The following ZNF30 variants were observed in gnomAD, a reference collection of about 807,000 sequenced individuals.
ZNF30 encodes the protein zinc finger protein 30 (KOX 28).
ZNF30 carries 15 observed loss-of-function variants against 13.2 expected under a neutral mutation model. That is an observed-to-expected ratio of 1.13 (90% CI 0.76 to 1.75). The LOEUF is 1.75. ZNF30 is among the 40% of genes most tolerant of loss of function. ZNF30 has a pLI of 0.00. For synonymous variants in ZNF30, 223 were observed against 256.6 expected (o/e 0.87, Z 1.25); for missense variants, 726 against 757.0 (o/e 0.96, Z 0.48).
chr19:34,941,013 T>C (rs979072740), intron 4 of ZNF30, among the ~76,000 whole-genome samples: 2 of 152,266 alleles, frequency 1.3e-5, no homozygotes, highest in African/African-American at 4.8e-5. Flanking sequence ...AGTACAACAT[T>C]CTTCTCATAA....
upstream of ZNF30, among the ~76,000 whole-genome samples, chr19:34,925,669 G>A (rs2012043902): frequency 6.6e-6 from 1 of 152,136 alleles, no homozygotes. Flanking sequence ...AAACAAAAAT[G>A]CCTGCCCTCA....
upstream of ZNF30, among the ~76,000 whole-genome samples, chr19:34,924,217 A>C (rs2151658452): frequency 6.6e-6 from 1 of 152,252 alleles, no homozygotes; most frequent in Non-Finnish European, 1.5e-5. Flanking sequence ...TCATCTATGG[A>C]GTGATCACTT....
upstream of ZNF30, among the ~76,000 whole-genome samples, chr19:34,925,280 G>A (rs1022468385): frequency 1.3e-5 from 2 of 152,222 alleles, no homozygotes; most frequent in African/African-American, 4.8e-5. Context: ...TTCATATCCC[G>A]GGGTTCCTGT....
chr19:34,933,029 C>T lies in ZNF30; in HGVS notation c.161-599C>T, dbSNP rs189439776. On this transcript the variant is annotated intron_variant, in intron 3 of 4. Transcript: ENST00000601142. The stretch of plus-strand genomic sequence containing the variant: ...CTCCTGACCTCAAGTAATCTGCCCA[C>T]CTGGCCTCCAAAAGTGCTGGGATTA... 1.6e-4 allele frequency among the ~76,000 whole-genome samples: 24 copies of T among 152,062 alleles called. No individual in the cohort carries two copies. The East Asian group carries it at 4.3e-3, about 27-fold the overall frequency.
chr19:34,944,827 G>A lies in ZNF30; in HGVS notation c.1861G>A (p.Val621Ile), dbSNP rs35783907. 136 of 1,595,072 alleles carry A rather than the reference G, an allele frequency of 8.5e-5. No individual in the cohort carries two copies. The highest frequency in any genetic ancestry group is 1.1e-4 in the Non-Finnish European group (130 of 1,167,702). ...LKVHLRKHMSVIP is the reference protein window; with the variant it reads ...LKVHLRKHMSIIP ...AGTGCATCTGAGAAAACATATGAGT[G>A]TTATACCCTAAGAGTCTGAGGAGTG... is the stretch of plus-strand genomic sequence containing the variant. The change falls in exon 5 of 5, where the codon GTT becomes ATT. Residue 621 changes from valine (V) to isoleucine (I), a missense_variant. Val to Ile is a conservative substitution (Grantham distance 29). Transcript: ENST00000601142.
intron 3 of ZNF30, 46 bp downstream of exon 3, chr19:34,932,039 ACTTTCTC>A: frequency 6.7e-7 from 1 of 1,491,384 alleles, no homozygotes; most frequent in South Asian, 1.4e-5. Context: ...TCCCTGTTAT[ACTTTCTC>A]CTTTGCAGAT....
At position 34,944,236 on chromosome 19, in the gene ZNF30, G is replaced by A. The variant is rs1159577670; in HGVS notation, c.1270G>A (p.Gly424Arg). The change falls in exon 5 of 5, where the codon GGG (glycine) becomes AGG (arginine). Residue 424 changes from glycine (G) to arginine (R), a missense_variant. Coordinates refer to ENST00000601142, the MANE Select transcript of ZNF30 (RefSeq NM_194325.3). Reference sequence around the variant, plus strand: ...TGTTCAGCATCAGAGGATCCATACTGGGGAGAAACCCTATGAATGTAAGGA... The same window carrying A: ...TGTTCAGCATCAGAGGATCCATACTAGGGAGAAACCCTATGAATGTAAGGA... ...YLVQHQRIHT[G>R]EKPYECKECG... is the part of the protein sequence containing the mutation. 4 of 1,613,830 alleles carry A rather than the reference G, an allele frequency of 2.5e-6. No homozygotes were observed. The highest frequency in any genetic ancestry group is 3.4e-6 in the Non-Finnish European group (4 of 1,179,952).
At chr19:34,941,413 C>T (rs894781969) in intron 4 of ZNF30, among the ~76,000 whole-genome samples, 10 of 152,156 alleles carry the variant, frequency 6.6e-5, no homozygotes, top group African/African-American at 1.9e-4. Context: ...TACAAGTGCC[C>T]GCCACCATGC....
rs1277223151 is a variant in ZNF30, at chr19:34,943,442, A to T, written c.476A>T (p.Asn159Ile). ...AAAGAATGTGGGAAGAACTTTAGTA[A>T]TGGACATCAACTCACCATACATCAG... ...RCKECGKNFSNGHQLTIHQRL... is the reference protein window; with the variant it reads ...RCKECGKNFSIGHQLTIHQRL... The change falls in exon 5 of 5, where the codon AAT becomes ATT. Residue 159 changes from asparagine to isoleucine, a missense_variant. Physicochemically the swap from Asn to Ile is moderately radical, Grantham distance 149 (BLOSUM62 -3). Transcript: ENST00000601142. 2 of 1,613,752 alleles carry T rather than the reference A, an allele frequency of 1.2e-6. No homozygotes were observed. The highest frequency in any genetic ancestry group is 1.7e-6 in the Non-Finnish European group (2 of 1,179,860).
chr19:34,926,445 A>G (rs2012077030), upstream of ZNF30, among the ~76,000 whole-genome samples: 1 of 152,212 alleles, frequency 6.6e-6, no homozygotes, highest in South Asian at 2.1e-4. Flanking sequence ...AAAAGGTCTT[A>G]CATTTAGCAT....
intron 1 of ZNF30, among the ~76,000 whole-genome samples, chr19:34,929,354 T>G (rs1256476466): frequency 6.6e-6 from 1 of 152,194 alleles, no homozygotes; most frequent in Non-Finnish European, 1.5e-5. Flanking sequence ...CTATTAACTT[T>G]TGGGGTGGGT....
At chr19:34,930,021 A>C in intron 2 of ZNF30, 65 bp downstream of exon 2, 1 of 1,468,440 alleles carries the variant, frequency 6.8e-7, no homozygotes, top group Non-Finnish European at 9.4e-7. Flanking sequence ...TCCTTAATTG[A>C]CCTGAAGCAT....
chr19:34,943,439 G>C lies in ZNF30; in HGVS notation c.473G>C (p.Ser158Thr). 11 of 1,613,932 alleles carry C rather than the reference G, an allele frequency of 6.8e-6. No individual in the cohort carries two copies. The highest frequency in any genetic ancestry group is 8.5e-6 in the Non-Finnish European group (10 of 1,179,852). ...NRCKECGKNF[S>T]NGHQLTIHQR... Reference sequence around the variant, plus strand: ...TGTAAAGAATGTGGGAAGAACTTTAGTAATGGACATCAACTCACCATACAT... The same window carrying C: ...TGTAAAGAATGTGGGAAGAACTTTACTAATGGACATCAACTCACCATACAT... The change falls in exon 5 of 5, where the codon AGT (serine) becomes ACT (threonine). Residue 158 changes from serine to threonine, a missense_variant. Coordinates refer to ENST00000601142, the MANE Select transcript of ZNF30 (RefSeq NM_194325.3).
At chr19:34,924,889 A>G (rs554686533), upstream of ZNF30, among the ~76,000 whole-genome samples, 9 of 152,306 alleles carry the variant, frequency 5.9e-5, no homozygotes, top group East Asian at 9.6e-4. Context: ...GCAGATGAAC[A>G]TTTTTGCAGA....
Position 34,944,312 on chromosome 19 carries a change from T to C in ZNF30, c.1346T>C (p.Val449Ala), listed in dbSNP as rs2013217824. The change falls in exon 5 of 5, where the codon GTT (valine) becomes GCT (alanine). Residue 449 changes from valine (V) to alanine (A), a missense_variant. Val to Ala is a moderately conservative substitution (Grantham distance 64, BLOSUM62 0). Transcript: ENST00000601142. The stretch of plus-strand genomic sequence containing the variant: ...CATCAGCTTACCGTACATCAAAGGG[T>C]TCATACTGGAGAGAAACCCTATGAG... ...SRHQLTVHQR[V>A]HTGEKPYECK... 5 of 1,613,866 alleles carry C rather than the reference T, an allele frequency of 3.1e-6. No homozygotes were observed. The East Asian group carries it at 6.7e-5, about 22-fold the overall frequency.
rs78143927 is a variant in ZNF30 at position 34,934,722 on chromosome 19, T to C, written c.256+999T>C. Among the ~76,000 whole-genome samples, 1,428 of 152,266 alleles carry C rather than the reference T, an allele frequency of 9.4e-3. 76 individuals carry two copies. In the East Asian group the frequency reaches 0.13, roughly 14 times the overall value. On this transcript the variant is annotated intron_variant, in intron 4 of 4. Coordinates refer to ENST00000601142, the MANE Select transcript of ZNF30 (RefSeq NM_194325.3). ...ATGAGTTATTATGAGGCAGATACCT[T>C]TGTAACCATCACTCTGGTCAAAAGA...
chr19:34,932,325 C>T (rs1051758163), intron 3 of ZNF30, among the ~76,000 whole-genome samples: 27 of 152,178 alleles, frequency 1.8e-4, no homozygotes, highest in South Asian at 1.0e-3. Flanking sequence ...ACTTATATGC[C>T]GGCGGATTGG....
At chr19:34,939,986 A>C (rs1264909005) in intron 4 of ZNF30, among the ~76,000 whole-genome samples, 1 of 152,240 alleles carries the variant, frequency 6.6e-6, no homozygotes, top group Admixed American at 6.5e-5. Flanking sequence ...AAATTGAATG[A>C]AATTTAGTAT....
chr19:34,926,635 A>G (rs2012083286), upstream of ZNF30: 1 of 233,124 alleles, frequency 4.3e-6, no homozygotes, highest in Admixed American at 5.7e-5. Context: ...AGATAATTTC[A>G]AACACCTAGT....
Sources: gnomAD v4.1 joint callset for allele counts (sites outside exome capture counted in the v4.1 genomes callset) on GRCh38, gnomAD v4.1.1 for gene constraint, MANE v1.5 for transcripts, NCBI Gene and HGNC (gene_info 2026-07-23, HGNC 2026-07-21) for gene names.